Variants in PDE7B observed in about 807,000 individuals in gnomAD.
PDE7B encodes 3',5'-cyclic-AMP phosphodiesterase 7B.
A neutral mutation model predicts 56.2 loss-of-function variants in PDE7B; 29 were observed. The ratio of observed to expected loss-of-function variants is 0.52; its 90% CI spans 0.38 to 0.70. PDE7B has a LOEUF of 0.70. Ranked by LOEUF, PDE7B falls within the 30% of genes least tolerant of loss-of-function variation. PDE7B has a pLI of 0.00. For missense variants in PDE7B, 490 were observed against 565.0 expected (o/e 0.87, Z 1.35); for synonymous variants, 197 against 196.9 (o/e 1.00, Z 0.00).
chr6:136,016,937 T>C (rs1005628603), intron 2 of PDE7B, among the ~76,000 whole-genome samples: 6 of 152,252 alleles, frequency 3.9e-5, no homozygotes, highest in African/African-American at 1.4e-4. Context: ...TTGCAGCTTC[T>C]GGAAGATTCA....
chr6:135,989,931 T>C (rs541619783), intron 2 of PDE7B, among the ~76,000 whole-genome samples: 1 of 152,254 alleles, frequency 6.6e-6, no homozygotes, highest in South Asian at 2.1e-4. Context: ...ATAGATTTTA[T>C]TAGTAGAAAG....
chr6:136,192,346 AAAT>A lies in PDE7B; in HGVS notation c.*512_*514del, dbSNP rs1779244453. The stretch of plus-strand genomic sequence containing the variant: ...TATTTTAATAATAATATTATTATAA[AAAT>A]AATAAATCTTTTTAACTTTTATATT... On this transcript the variant is annotated 3_prime_UTR_variant, in exon 13 of 13. Transcript: ENST00000308191. 1.3e-5 allele frequency: 2 copies of A among 152,122 alleles called. No individual in the cohort carries two copies. Among genetic ancestry groups the A allele is most frequent in the Non-Finnish European group, 2.9e-5 (2 of 68,032 alleles). The allele number at this position is 152,122 out of a possible 1,614,324, so 9.4% of individuals were successfully genotyped here. A position where few individuals can be genotyped will look rare whatever the true frequency, so the allele number is the denominator to read the frequency against.
At chr6:135,989,745 T>G (rs1192705889) in intron 2 of PDE7B, among the ~76,000 whole-genome samples, 1 of 152,222 alleles carries the variant, frequency 6.6e-6, no homozygotes, top group East Asian at 1.9e-4. Context: ...AGAATTGGTT[T>G]AATTACAATG....
Position 136,173,866 on chromosome 6 carries a change from G to T in PDE7B, c.781G>T (p.Ala261Ser). The T allele has an allele frequency of 6.2e-7, 1 of 1,612,092 alleles. No homozygotes were observed. Among genetic ancestry groups the T allele is most frequent in the Non-Finnish European group, 8.5e-7 (1 of 1,178,338 alleles). ...CATGCTTCGAGAATCAAGGCTTCTT[G>T]CTCATTTGCCAAAGGAAATGACGTA... ...IGMLRESRLL[A>S]HLPKEMTQDI... Residue 261 changes from alanine to serine, a missense_variant, in exon 9 of 13, where the codon GCT becomes TCT. By Grantham distance (99) the Ala-to-Ser change is moderately conservative. Transcript: ENST00000308191.
chr6:136,174,847 C>T (rs766442678), intron 9 of PDE7B, among the ~76,000 whole-genome samples: 5 of 151,996 alleles, frequency 3.3e-5, no homozygotes, highest in African/African-American at 1.2e-4. Flanking sequence ...AACCAGTTCT[C>T]GTGCATGGAA....
intron 3 of PDE7B, among the ~76,000 whole-genome samples, chr6:136,113,406 G>T (rs552694221): frequency 1.3e-5 from 2 of 152,156 alleles, no homozygotes; most frequent in East Asian, 1.9e-4. Flanking sequence ...AGCTAATTTC[G>T]TTCCCTGTTT....
intron 3 of PDE7B, among the ~76,000 whole-genome samples, chr6:136,119,176 G>A (rs905629747): frequency 3.3e-5 from 5 of 152,004 alleles, no homozygotes; most frequent in South Asian, 2.1e-4. Flanking sequence ...ACCATGAATC[G>A]CTGAAAGAAA....
At chr6:135,993,416 A>C (rs1362924597) in intron 2 of PDE7B, among the ~76,000 whole-genome samples, 1 of 152,140 alleles carries the variant, frequency 6.6e-6, no homozygotes, top group Admixed American at 6.6e-5. Flanking sequence ...TCATGCAGTG[A>C]TTCTAGCATC....
intron 9 of PDE7B, among the ~76,000 whole-genome samples, chr6:136,177,103 GTTTC>G (rs1482096170): frequency 6.6e-6 from 1 of 151,172 alleles, no homozygotes; most frequent in African/African-American, 2.4e-5. Flanking sequence ...GTTGGGAAAA[GTTTC>G]TTAAAGAGGA....
At chr6:136,090,013 C>A (rs1332791934) in intron 2 of PDE7B, among the ~76,000 whole-genome samples, 2 of 152,110 alleles carry the variant, frequency 1.3e-5, no homozygotes, top group Admixed American at 1.3e-4. Flanking sequence ...TGATTACTAG[C>A]GATTGTGTAG....
At chr6:135,954,773 A>G (rs1432068336) in intron 2 of PDE7B, among the ~76,000 whole-genome samples, 1 of 152,168 alleles carries the variant, frequency 6.6e-6, no homozygotes, top group African/African-American at 2.4e-5. Context: ...ATTCCACATT[A>G]TCCTACTGCC....
chr6:135,992,054 G>A (rs936903309), intron 2 of PDE7B: 3 of 152,080 alleles, frequency 2.0e-5, no homozygotes, highest in Non-Finnish European at 4.4e-5. Flanking sequence ...ATCACTATGA[G>A]AAAGCAAAGG....
rs537997304 is a variant in PDE7B, at chr6:135,983,972, T to C, written c.82+36448T>C. 3.3e-5 allele frequency among the ~76,000 whole-genome samples: 5 copies of C among 152,350 alleles called. No homozygotes were observed. In the East Asian group the frequency reaches 7.7e-4, roughly 24 times the overall value. ...CCATCATTAGTAACCTCTTACAAAA[T>C]AGACTTCCTCAATTTACTGCAAATT... On this transcript the variant is annotated intron_variant, in intron 2 of 12. Coordinates refer to ENST00000308191, the MANE Select transcript of PDE7B (RefSeq NM_018945.4).
At chr6:135,991,462 G>A (rs951906030) in intron 2 of PDE7B, among the ~76,000 whole-genome samples, 1 of 152,124 alleles carries the variant, frequency 6.6e-6, no homozygotes, top group Admixed American at 6.5e-5. Context: ...GAAAAAGATA[G>A]TTCTCTTACT....
chr6:136,173,233 T>G (rs905632744), intron 8 of PDE7B, among the ~76,000 whole-genome samples: 2 of 152,164 alleles, frequency 1.3e-5, no homozygotes, highest in Non-Finnish European at 2.9e-5. Context: ...GGAGGCATCA[T>G]GCTACCTGAC....
chr6:135,878,847 A>T (rs908564518), intron 1 of PDE7B, among the ~76,000 whole-genome samples: 3 of 152,204 alleles, frequency 2.0e-5, no homozygotes, highest in Admixed American at 2.0e-4. Flanking sequence ...AAGGCAAAAC[A>T]TTTTATATAT....
chr6:135,887,000 C>G (rs1392479168), intron 1 of PDE7B, among the ~76,000 whole-genome samples: 1 of 152,060 alleles, frequency 6.6e-6, no homozygotes, highest in Non-Finnish European at 1.5e-5. Flanking sequence ...TAAAAGTGTT[C>G]CCTTTTCACC....
At chr6:136,112,909 G>A (rs1474607614) in intron 3 of PDE7B, among the ~76,000 whole-genome samples, 1 of 152,108 alleles carries the variant, frequency 6.6e-6, no homozygotes, top group African/African-American at 2.4e-5. Context: ...CATAGTCCTA[G>A]TTTGCACCTG....
At chr6:135,901,194 T>C (rs1412097895) in intron 1 of PDE7B, among the ~76,000 whole-genome samples, 3 of 152,136 alleles carry the variant, frequency 2.0e-5, no homozygotes, top group Non-Finnish European at 4.4e-5. Flanking sequence ...AAAGCAGAAA[T>C]AGAAAAACTC....
Sources: gnomAD v4.1 joint callset for allele counts (sites outside exome capture counted in the v4.1 genomes callset) on GRCh38, gnomAD v4.1.1 for gene constraint, MANE v1.5 for transcripts, NCBI Gene and HGNC (gene_info 2026-07-23, HGNC 2026-07-21) for gene names.